Variants in CDH13 observed in about 807,000 individuals in gnomAD.
CDH13 encodes cadherin-13.
A neutral mutation model predicts 63.8 loss-of-function variants in CDH13; 24 were observed. The observed-to-expected ratio is 0.38, with a 90% CI of 0.27 to 0.53. The LOEUF (loss-of-function observed/expected upper bound fraction) is 0.53, where lower values mean the gene tolerates loss of function less well. Among genes scored for constraint, CDH13 ranks in the 20% least tolerant of loss-of-function variants. CDH13 has a pLI of 0.85. For synonymous variants in CDH13, 503 were observed against 355.3 expected (o/e 1.42, Z -4.67); for missense variants, 1,049 against 903.1 (o/e 1.16, Z -2.07).
rs540430350 is a variant in CDH13, at chr16:83,504,841, A to G, written c.960+18186A>G. Reference sequence around the variant, plus strand: ...TATAGTTGTGTTTTTTAAAGTAGAAAATATATTCATACGAGCAAGTAATTA... The same window carrying G: ...TATAGTTGTGTTTTTTAAAGTAGAAGATATATTCATACGAGCAAGTAATTA... On this transcript the variant is annotated intron_variant, in intron 7 of 13. Transcript: ENST00000567109. 1.1e-4 allele frequency among the ~76,000 whole-genome samples: 16 copies of G among 152,312 alleles called. No individual in the cohort carries two copies. In the East Asian group the frequency reaches 2.9e-3, roughly 28 times the overall value.
chr16:83,537,483 G>T (rs1295360552), intron 7 of CDH13, among the ~76,000 whole-genome samples: 1 of 152,090 alleles, frequency 6.6e-6, no homozygotes, highest in Non-Finnish European at 1.5e-5. Context: ...TTATATGATT[G>T]TTTAATTCTT....
chr16:83,722,167 C>T (rs1161100542), intron 10 of CDH13, among the ~76,000 whole-genome samples: 1 of 152,158 alleles, frequency 6.6e-6, no homozygotes, highest in East Asian at 1.9e-4. Context: ...ATCCCAACTT[C>T]GCTGCCTGCT....
chr16:83,740,757 C>A (rs1911981500), intron 10 of CDH13, among the ~76,000 whole-genome samples: 1 of 152,164 alleles, frequency 6.6e-6, no homozygotes, highest in South Asian at 2.1e-4. Context: ...CACAGAAGGT[C>A]ATACCTACAT....
In CDH13 at chr16:82,897,332, C is replaced by A. The variant is rs150312388; in HGVS notation, c.157+38859C>A. ...AATGAGAGATCTGTGAGGTGCATTT[C>A]CATGGCCACCACAGAGATGTATAAG... On this transcript the variant is annotated intron_variant, in intron 2 of 13. Transcript: ENST00000567109. Among the ~76,000 whole-genome samples, 211 of 151,864 alleles carry A rather than the reference C, an allele frequency of 1.4e-3. 5 individuals carry two copies. The highest frequency in any genetic ancestry group is 4.8e-3 in the African/African-American group (200 of 41,418).
intron 4 of CDH13, among the ~76,000 whole-genome samples, chr16:83,130,177 C>G (rs887944139): frequency 2.0e-5 from 3 of 152,176 alleles, no homozygotes; most frequent in East Asian, 1.9e-4. Context: ...CATTATTTGT[C>G]CAGCACTGTG....
intron 2 of CDH13, among the ~76,000 whole-genome samples, chr16:83,018,084 C>T (rs193031784): frequency 1.3e-3 from 194 of 152,252 alleles, no homozygotes; most frequent in African/African-American, 4.4e-3. Context: ...CAGTGAAAAG[C>T]CTGGCCTTTG....
At chr16:83,138,297 C>G (rs188311803) in intron 4 of CDH13, among the ~76,000 whole-genome samples, 253 of 152,158 alleles carry the variant, frequency 1.7e-3, no homozygotes, top group Non-Finnish European at 2.5e-4. Context: ...ATGGATTCCC[C>G]CGAGAAGAAT....
chr16:82,897,704 G>C (rs1189486589), intron 2 of CDH13, among the ~76,000 whole-genome samples: 1 of 152,246 alleles, frequency 6.6e-6, no homozygotes, highest in Non-Finnish European at 1.5e-5. Flanking sequence ...AATGCAAGGT[G>C]GATAAAGACG....
intron 1 of CDH13, among the ~76,000 whole-genome samples, chr16:82,791,382 A>T (rs1484697222): frequency 6.6e-6 from 1 of 152,230 alleles, no homozygotes; most frequent in Non-Finnish European, 1.5e-5. Context: ...AGGCTAAAGC[A>T]GGAGGTAAAG....
chr16:83,483,530 T>G (rs1307695754), intron 6 of CDH13, among the ~76,000 whole-genome samples: 2 of 152,036 alleles, frequency 1.3e-5, no homozygotes. Flanking sequence ...CATGATGACT[T>G]CATTTTTATA....
At chr16:83,792,187 C>T (rs1004324935) in intron 13 of CDH13, among the ~76,000 whole-genome samples, 5 of 152,234 alleles carry the variant, frequency 3.3e-5, no homozygotes, top group Admixed American at 2.0e-4. Flanking sequence ...TGCAGACGGC[C>T]GCGGTCATGC....
intron 5 of CDH13, among the ~76,000 whole-genome samples, chr16:83,235,904 A>C (rs2151808947): frequency 6.6e-6 from 1 of 152,314 alleles, no homozygotes; most frequent in South Asian, 2.1e-4. Flanking sequence ...GAAGTGCTAA[A>C]GGATTAAAAT....
chr16:83,015,567 T>A (rs1320912211), intron 2 of CDH13, among the ~76,000 whole-genome samples: 3 of 150,776 alleles, frequency 2.0e-5, no homozygotes, highest in Non-Finnish European at 4.4e-5. Context: ...AGCATTTAAC[T>A]GTTTTCAGAT....
At chr16:83,146,845 TG>T (rs1211811348) in intron 4 of CDH13, among the ~76,000 whole-genome samples, 1 of 152,206 alleles carries the variant, frequency 6.6e-6, no homozygotes, top group Non-Finnish European at 1.5e-5. Context: ...TCCAGCAGTT[TG>T]GAAGGCCAAG....
intron 3 of CDH13, among the ~76,000 whole-genome samples, chr16:83,092,921 G>A (rs74447775): frequency 0.011 from 1,675 of 152,276 alleles, 36 homozygotes; most frequent in African/African-American, 0.038. Context: ...AAAGGTAACG[G>A]TACTTTTGCG....
chr16:82,713,376 A>G (rs767522049), intron 1 of CDH13, among the ~76,000 whole-genome samples: 3 of 152,108 alleles, frequency 2.0e-5, no homozygotes, highest in Non-Finnish European at 4.4e-5. Context: ...TACCTGCATG[A>G]GTCCCAGTGT....
intron 2 of CDH13, among the ~76,000 whole-genome samples, chr16:82,955,601 A>C (rs1437851165): frequency 1.3e-5 from 2 of 149,010 alleles, no homozygotes; most frequent in Non-Finnish European, 3.0e-5. Context: ...TTTTGTTTTT[A>C]TTTGGCACCT....
At chr16:82,838,362 C>G (rs1260334524) in intron 1 of CDH13, among the ~76,000 whole-genome samples, 1 of 152,152 alleles carries the variant, frequency 6.6e-6, no homozygotes, top group Non-Finnish European at 1.5e-5. Flanking sequence ...TAGGGATGGA[C>G]AGGTGGTAGG....
chr16:83,340,093 C>T (rs1396044648), intron 5 of CDH13, among the ~76,000 whole-genome samples: 1 of 152,186 alleles, frequency 6.6e-6, no homozygotes, highest in South Asian at 2.1e-4. Context: ...TGCAATGTTT[C>T]ACTTTTCAAT....
Sources: allele counts gnomAD v4.1 joint callset (sites outside exome capture counted in the v4.1 genomes callset), GRCh38; gene constraint gnomAD v4.1.1; transcripts MANE v1.5; gene names NCBI Gene and HGNC (gene_info 2026-07-23, HGNC 2026-07-21).